PID1: variants seen among roughly 807,000 people sequenced by gnomAD.
The protein encoded by PID1 is phosphotyrosine interaction domain containing 1, also known as PTB-containing, cubilin and LRP1-interacting protein.
PID1 carries 10 observed loss-of-function variants against 19.1 expected under a neutral mutation model. The observed-to-expected ratio is 0.52, with a 90% CI of 0.32 to 0.89. The LOEUF (loss-of-function observed/expected upper bound fraction) is 0.89, where lower values mean the gene tolerates loss of function less well. Ranked by LOEUF, PID1 falls within the 40% of genes least tolerant of loss-of-function variation. The pLI is 0.03. For synonymous variants in PID1, 130 were observed against 116.0 expected, an observed-to-expected ratio of 1.12 and a Z score of -0.78; for missense variants, 248 against 285.3, an observed-to-expected ratio of 0.87 and a Z score of 0.94.
In PID1 at chr2:229,139,099, GAA is replaced by G. The variant is rs1408340954; in HGVS notation, c.177+16717_177+16718del. Among the ~76,000 whole-genome samples, 146 of 73,260 alleles carry G rather than the reference GAA, an allele frequency of 2.0e-3. 11 individuals are homozygous for G. Among genetic ancestry groups the G allele is most frequent in the African/African-American group, 5.4e-3 (80 of 14,742 alleles). The allele number at this position is 73,260 out of a possible 152,430, so 48.1% of individuals were successfully genotyped here. A position where few individuals can be genotyped will look rare whatever the true frequency, so the allele number is the denominator to read the frequency against. ...AGAAAGAAAGAAAGAAAGAAAGAAA[GAA>G]AGAAAGAAAGAAAGAGAAAGAAAGA... On this transcript the variant is annotated intron_variant, in intron 2 of 2. Transcript: ENST00000392055.
intron 2 of PID1, among the ~76,000 whole-genome samples, chr2:229,089,226 T>C (rs923113520): frequency 1.3e-5 from 2 of 152,316 alleles, no homozygotes; most frequent in African/African-American, 4.8e-5. Context: ...CCTGCAGCTA[T>C]TACTTGTCTG....
At chr2:229,265,147 T>C (rs1188869648) in intron 1 of PID1, among the ~76,000 whole-genome samples, 1 of 152,218 alleles carries the variant, frequency 6.6e-6, no homozygotes, top group Non-Finnish European at 1.5e-5. Flanking sequence ...TCGTTATTTT[T>C]TTTTTACCCA....
At chr2:229,137,104 A>C (rs1487936889) in intron 2 of PID1, among the ~76,000 whole-genome samples, 1 of 152,236 alleles carries the variant, frequency 6.6e-6, no homozygotes, top group Non-Finnish European at 1.5e-5. Context: ...AATCAAGTTC[A>C]TGATCTATTT....
rs182486051 is a variant in PID1 at position 229,135,603 on chromosome 2, G to A, written c.177+20215C>T. On this transcript the variant is annotated intron_variant, in intron 2 of 2. Transcript: ENST00000392055. ...CTGATGCAAAGTATTGTATAGAAAGGTTCAGATAAAATTACAGTAAAACCT... is the reference window on the plus strand; with the variant it reads ...CTGATGCAAAGTATTGTATAGAAAGATTCAGATAAAATTACAGTAAAACCT... 4.3e-4 allele frequency among the ~76,000 whole-genome samples: 66 copies of A among 152,258 alleles called. No homozygotes were observed. In the South Asian group the frequency reaches 6.0e-3, roughly 14 times the overall value.
At position 229,024,393 on chromosome 2, in the gene PID1, A is replaced by G. The variant is rs1693365363; in HGVS notation, c.*1239T>C. The G allele has an allele frequency of 6.6e-6, 1 of 152,364 alleles. No individual in the cohort carries two copies. Among genetic ancestry groups the G allele is most frequent in the African/African-American group, 2.4e-5 (1 of 41,368 alleles). 9.4% of individuals were successfully genotyped at this position (152,364 alleles called of 1,614,324 possible). The stretch of plus-strand genomic sequence containing the variant: ...ACAAATACAATTTCATTCTATGTTG[A>G]CTCTGTGTTTATAATATTTAAAGAA... On this transcript the variant is annotated 3_prime_UTR_variant, in exon 3 of 3. Transcript: ENST00000392055.
At chr2:229,092,959 G>A (rs948354707) in intron 2 of PID1, among the ~76,000 whole-genome samples, 2 of 151,870 alleles carry the variant, frequency 1.3e-5, no homozygotes, top group Admixed American at 6.6e-5. Flanking sequence ...CCCAGCAATT[G>A]ACTCCACTGA....
At chr2:229,105,720 A>C (rs1343052350) in intron 2 of PID1, among the ~76,000 whole-genome samples, 2 of 152,248 alleles carry the variant, frequency 1.3e-5, no homozygotes, top group Non-Finnish European at 2.9e-5. Flanking sequence ...GTTACAGATG[A>C]GGAAACTGAG....
intron 2 of PID1, among the ~76,000 whole-genome samples, chr2:229,034,909 A>C (rs1693629854): frequency 6.6e-6 from 1 of 152,084 alleles, no homozygotes; most frequent in Non-Finnish European, 1.5e-5. Flanking sequence ...AAACTAGGCC[A>C]CTCATTTTCC....
At chr2:229,230,853 A>G (rs1259476886) in intron 1 of PID1, among the ~76,000 whole-genome samples, 1 of 152,206 alleles carries the variant, frequency 6.6e-6, no homozygotes, top group East Asian at 1.9e-4. Flanking sequence ...ATATAAACAC[A>G]ATATAAAATA....
At chr2:229,237,144 T>C (rs944923376) in intron 1 of PID1, among the ~76,000 whole-genome samples, 1 of 151,952 alleles carries the variant, frequency 6.6e-6, no homozygotes, top group Admixed American at 6.6e-5. Context: ...ATCAAGAAAA[T>C]TACCCATTTT....
chr2:229,190,368 G>A (rs1489028234), intron 1 of PID1, among the ~76,000 whole-genome samples: 2 of 152,196 alleles, frequency 1.3e-5, no homozygotes, highest in South Asian at 2.1e-4. Context: ...CTGCAGGAGG[G>A]GCAGGACCCA....
intron 1 of PID1, among the ~76,000 whole-genome samples, chr2:229,196,016 C>G (rs528255697): frequency 3.8e-4 from 58 of 152,066 alleles, no homozygotes; most frequent in Non-Finnish European, 5.3e-4. Flanking sequence ...TATAGGAGAA[C>G]TGACCACTAA....
At position 229,224,191 on chromosome 2, in the gene PID1, C is replaced by T. The variant is rs12469213; in HGVS notation, c.30+46823G>A. 7.2e-5 allele frequency among the ~76,000 whole-genome samples: 11 copies of T among 152,140 alleles called. No homozygotes were observed. In the East Asian group the frequency reaches 9.7e-4, roughly 13 times the overall value. ...AAAGTCAAAAAATAACCAATGTTGG[C>T]GATGATGCAAAGAAAAGGGAATGTT... On this transcript the variant is annotated intron_variant, in intron 1 of 2. Transcript: ENST00000392055.
chr2:229,271,017 C>T lies in PID1; in HGVS notation c.27G>A (p.Leu9=). ...CCGGCTCCCGGGTGCCCCTTACCTGCAGGCGCTCCGTGGCCGGCTGCCACA... is the reference window on the plus strand; with the variant it reads ...CCGGCTCCCGGGTGCCCCTTACCTGTAGGCGCTCCGTGGCCGGCTGCCACA... MWQPATER[L]QHFQTMLKSK... Residue 9 remains leucine (L), a synonymous_variant, in exon 1 of 3, where the codon CTG becomes CTA. Transcript: ENST00000392055. 1 of 1,543,478 alleles carries T rather than the reference C, an allele frequency of 6.5e-7. No individual in the cohort carries two copies. Among genetic ancestry groups the T allele is most frequent in the East Asian group, 2.5e-5 (1 of 39,974 alleles).
intron 2 of PID1, among the ~76,000 whole-genome samples, chr2:229,072,717 G>A (rs910943615): frequency 1.3e-5 from 2 of 152,080 alleles, no homozygotes; most frequent in Non-Finnish European, 2.9e-5. Flanking sequence ...TTACGTATTT[G>A]GCAGTTGTGC....
At chr2:229,192,469 A>G (rs1691281507) in intron 1 of PID1, among the ~76,000 whole-genome samples, 1 of 152,204 alleles carries the variant, frequency 6.6e-6, no homozygotes, top group African/African-American at 2.4e-5. Context: ...CTACTTCATA[A>G]CTATAAAATT....
intron 1 of PID1, among the ~76,000 whole-genome samples, chr2:229,258,444 T>TA (rs1690363636): frequency 6.6e-6 from 1 of 152,102 alleles, no homozygotes; most frequent in African/African-American, 2.4e-5. Flanking sequence ...TTATTTCCAG[T>TA]AAAAAGGAAA....
intron 1 of PID1, among the ~76,000 whole-genome samples, chr2:229,185,673 G>A (rs889876513): frequency 6.6e-6 from 1 of 152,042 alleles, no homozygotes; most frequent in African/African-American, 2.4e-5. Flanking sequence ...TATCTCATGA[G>A]ACTTACTCAC....
chr2:229,151,358 C>G (rs576299526), intron 2 of PID1, among the ~76,000 whole-genome samples: 64 of 152,194 alleles, frequency 4.2e-4, no homozygotes, highest in Non-Finnish European at 5.9e-5. Context: ...AACGAGGGAC[C>G]CTGGGACAGT....
Sources: allele counts gnomAD v4.1 joint callset (sites outside exome capture counted in the v4.1 genomes callset), GRCh38; gene constraint gnomAD v4.1.1; transcripts MANE v1.5; gene names NCBI Gene and HGNC (gene_info 2026-07-23, HGNC 2026-07-21).